Variants in SLC25A26 observed in about 807,000 individuals in gnomAD.
SLC25A26 encodes the protein mitochondrial S-adenosylmethionine carrier protein.
Under a neutral mutation model 37.8 loss-of-function variants are expected in SLC25A26, and 36 were observed. That is an observed-to-expected ratio of 0.95 (90% CI 0.73 to 1.26). The LOEUF (loss-of-function observed/expected upper bound fraction) is 1.26, where lower values mean the gene tolerates loss of function less well. Ranked by LOEUF, SLC25A26 falls within the 50% of genes most tolerant of loss-of-function variation. The probability of loss-of-function intolerance (pLI) is 0.00; values close to 1 mark genes in which losing one functional copy is unlikely to be tolerated. For synonymous variants in SLC25A26, 129 were observed against 122.5 expected, an observed-to-expected ratio of 1.05 and a Z score of -0.35; for missense variants, 390 against 331.1, an observed-to-expected ratio of 1.18 and a Z score of -1.38.
At chr3:66,186,708 T>C (rs2070835508) in intron 1 of SLC25A26, among the ~76,000 whole-genome samples, 1 of 151,754 alleles carries the variant, frequency 6.6e-6, no homozygotes, top group African/African-American at 2.4e-5. Flanking sequence ...CCTTCATCCT[T>C]ACTCTTACCC....
chr3:66,150,827 A>G (rs1170905136), intron 1 of SLC25A26, among the ~76,000 whole-genome samples: 1 of 151,330 alleles, frequency 6.6e-6, no homozygotes, highest in Non-Finnish European at 1.5e-5. Context: ...TGGATTTTTC[A>G]GGACTTATTG....
rs1339592388 is a variant in SLC25A26 at position 66,158,446 on chromosome 3, T to C, written c.-354+24462T>C. On this transcript the variant is annotated intron_variant, in intron 1 of 10. Coordinates refer to the SLC25A26 transcript ENST00000676754. ...CAAGTTTTAGTGTGGATGTTACGTT[T>C]TGAATTTTCTTGGGTATGTCTGCAG... Among the ~76,000 whole-genome samples the C allele has an allele frequency of 2.0e-5, 3 of 152,328 alleles. No individual in the cohort carries two copies. The East Asian group carries it at 5.8e-4, about 29-fold the overall frequency.
At chr3:66,209,631 T>TTA (rs1366640873) in intron 1 of SLC25A26, among the ~76,000 whole-genome samples, 72,731 of 133,138 alleles carry the variant, frequency 0.55, 22,438 homozygotes, top group South Asian at 0.78. Flanking sequence ...TATATCTATT[T>TTA]TATATATATA....
In SLC25A26 at chr3:66,210,384, A is replaced by C. The variant is rs2071268316; in HGVS notation, c.-353-10358A>C. 2.0e-5 allele frequency among the ~76,000 whole-genome samples: 3 copies of C among 152,250 alleles called. No homozygotes were observed. The South Asian group carries it at 6.2e-4, about 32-fold the overall frequency. Reference sequence around the variant, plus strand: ...CAATCTCCCTTAGGAAGCCACATTAAGTTGAACTGGAAAAGACAGTCTCCC... The same window carrying C: ...CAATCTCCCTTAGGAAGCCACATTACGTTGAACTGGAAAAGACAGTCTCCC... On this transcript the variant is annotated intron_variant, in intron 1 of 10. Transcript: ENST00000676754.
At chr3:66,327,156 C>G (rs1288547231) in intron 5 of SLC25A26, among the ~76,000 whole-genome samples, 2 of 152,168 alleles carry the variant, frequency 1.3e-5, no homozygotes, top group Admixed American at 1.3e-4. Flanking sequence ...TAGTTTGTGT[C>G]TGTGCTCAAT....
chr3:66,216,143 A>G (rs2071357664), upstream of SLC25A26, among the ~76,000 whole-genome samples: 1 of 152,232 alleles, frequency 6.6e-6, no homozygotes. Context: ...CCCACCTCTT[A>G]TCACACTGGC....
chr3:66,270,935 G>A (rs2073935540), intron 5 of SLC25A26, among the ~76,000 whole-genome samples: 1 of 152,152 alleles, frequency 6.6e-6, no homozygotes, highest in Admixed American at 6.5e-5. Context: ...GCTGTGAAGT[G>A]ACTTGAAAAT....
intron 5 of SLC25A26, among the ~76,000 whole-genome samples, chr3:66,280,319 T>G (rs2074294430): frequency 6.6e-6 from 1 of 152,216 alleles, no homozygotes; most frequent in African/African-American, 2.4e-5. Flanking sequence ...TATATTTTTT[T>G]CATTTAATCT....
At position 66,281,996 on chromosome 3, in the gene SLC25A26, A is replaced by ATTTTTTTT. The variant is rs71105977; in HGVS notation, c.453+18636_453+18643dup. Among the ~76,000 whole-genome samples, 6 of 64,476 alleles carry ATTTTTTTT rather than the reference A, an allele frequency of 9.3e-5. 1 individual carries two copies. The highest frequency in any genetic ancestry group is 2.3e-4 in the African/African-American group (3 of 12,986). 42.3% of individuals were successfully genotyped at this position (64,476 alleles called of 152,430 possible). On this transcript the variant is annotated intron_variant, in intron 5 of 9. Transcript: ENST00000354883. ...CACCACCACACCCAACTGATTTTGCATTTTTTTTTTTTTTTTTTTTTTTTT... is the reference window on the plus strand; with the variant it reads ...CACCACCACACCCAACTGATTTTGCATTTTTTTTTTTTTTTTTTTTTTTTTTTTTTTTT...
At chr3:66,146,987 G>C (rs1351621893) in intron 1 of SLC25A26, among the ~76,000 whole-genome samples, 1 of 151,084 alleles carries the variant, frequency 6.6e-6, no homozygotes, top group Non-Finnish European at 1.5e-5. Flanking sequence ...CATCCAAGTT[G>C]CTGCAAATGA....
intron 5 of SLC25A26, among the ~76,000 whole-genome samples, chr3:66,336,814 C>A (rs1559713271): frequency 6.6e-6 from 1 of 152,090 alleles, no homozygotes; most frequent in African/African-American, 2.4e-5. Context: ...ATAAGTGGAA[C>A]ATATGTATAT....
intron 5 of SLC25A26, among the ~76,000 whole-genome samples, chr3:66,341,996 C>T (rs1300761140): frequency 2.6e-5 from 4 of 151,316 alleles, no homozygotes; most frequent in Admixed American, 6.6e-5. Flanking sequence ...CCTTGGTTAC[C>T]CCTGGGGTTG....
chr3:66,262,669 G>T (rs979868086), intron 4 of SLC25A26, among the ~76,000 whole-genome samples: 9 of 152,206 alleles, frequency 5.9e-5, no homozygotes, highest in African/African-American at 2.2e-4. Flanking sequence ...TTTTTAAAAA[G>T]ACATGAGAAT....
intron 1 of SLC25A26, among the ~76,000 whole-genome samples, chr3:66,172,121 T>TA (rs1321021352): frequency 6.6e-6 from 1 of 151,880 alleles, no homozygotes; most frequent in African/African-American, 2.4e-5. Flanking sequence ...GATTAAGTTT[T>TA]AAAAAAATGT....
chr3:66,224,158 C>T (rs959414170), intron 1 of SLC25A26, among the ~76,000 whole-genome samples: 4 of 152,154 alleles, frequency 2.6e-5, no homozygotes, highest in African/African-American at 9.7e-5. Context: ...AAAACCTATT[C>T]CATTCATGGG....
intron 6 of SLC25A26, among the ~76,000 whole-genome samples, chr3:66,361,666 A>G (rs1284106513): frequency 6.6e-6 from 1 of 152,174 alleles, no homozygotes; most frequent in Non-Finnish European, 1.5e-5. Context: ...TTAGGGAAAT[A>G]CAAATTAAAA....
At chr3:66,362,106 C>T (rs1037331426) in intron 6 of SLC25A26, among the ~76,000 whole-genome samples, 1 of 152,146 alleles carries the variant, frequency 6.6e-6, no homozygotes, top group Non-Finnish European at 1.5e-5. Flanking sequence ...TAAAATGGTA[C>T]AATCGCTTTG....
At chr3:66,161,347 G>T (rs2070355715) in intron 1 of SLC25A26, among the ~76,000 whole-genome samples, 1 of 152,140 alleles carries the variant, frequency 6.6e-6, no homozygotes, top group Non-Finnish European at 1.5e-5. Context: ...ATTGCAGACT[G>T]CTACCTTATG....
intron 5 of SLC25A26, among the ~76,000 whole-genome samples, chr3:66,263,680 A>C (rs1309091106): frequency 2.7e-5 from 4 of 148,954 alleles, no homozygotes; most frequent in African/African-American, 7.5e-5. Flanking sequence ...TTTTTTTGAA[A>C]TGCAGTCTCG....
Sources: allele counts gnomAD v4.1 joint callset (sites outside exome capture counted in the v4.1 genomes callset), GRCh38; gene constraint gnomAD v4.1.1; transcripts MANE v1.5; gene names NCBI Gene and HGNC (gene_info 2026-07-23, HGNC 2026-07-21).